GNL3L: variants seen among roughly 807,000 people sequenced by gnomAD.
GNL3L encodes G protein nucleolar 3 like.
Under a neutral mutation model 42.9 loss-of-function variants are expected in GNL3L, and 4 were observed. The ratio of observed to expected loss-of-function variants is 0.09; its 90% confidence interval spans 0.05 to 0.21. GNL3L has a LOEUF of 0.21. Among genes scored for constraint, GNL3L ranks in the 10% least tolerant of loss-of-function variants. The pLI, the probability that GNL3L is intolerant of heterozygous loss-of-function variation, is 1.00. For missense variants in GNL3L, 412 were observed against 481.7 expected (o/e 0.86, Z 1.36); for synonymous variants, 159 against 176.3 (o/e 0.90, Z 0.78).
chrX:54,544,848 T>A (rs1235272521), intron 8 of GNL3L, among the ~76,000 whole-genome samples: 1 of 111,522 alleles, frequency 9.0e-6, no homozygotes, highest in Non-Finnish European at 1.9e-5. Context: ...ATTTCTTTTT[T>A]TTCAGTTGTA....
At chrX:54,545,162 C>T (rs1012567087) in intron 8 of GNL3L, among the ~76,000 whole-genome samples, 2 of 110,941 alleles carry the variant, frequency 1.8e-5, no homozygotes, top group Non-Finnish European at 3.8e-5. Flanking sequence ...GTGATCCACC[C>T]GCCTTGGCCT....
At chrX:54,626,543 C>G in the GNL3L span, among the ~76,000 whole-genome samples, 1 of 111,729 alleles carries the variant, frequency 9.0e-6, no homozygotes, top group Admixed American at 9.5e-5. Flanking sequence ...GATAAATAAT[C>G]TGGAGTTGCT....
chrX:54,548,167 C>G (rs372055693), intron 8 of GNL3L, 62 bp from the exon 9 acceptor site: 1 of 1,014,528 alleles, frequency 9.9e-7, no homozygotes, highest in Non-Finnish European at 1.4e-6. Context: ...AGTTGGAAAT[C>G]TGGGCTCAGA....
downstream of GNL3L, among the ~76,000 whole-genome samples, chrX:54,625,283 T>G (rs1338787772): frequency 1.1e-5 from 1 of 89,081 alleles, no homozygotes; most frequent in Non-Finnish European, 2.0e-5. Flanking sequence ...GCTCTGGTTT[T>G]GTTTTGTTTT....
intron 16 of GNL3L, among the ~76,000 whole-genome samples, chrX:54,607,089 CTT>C (rs1569542632): frequency 2.7e-4 from 12 of 43,906 alleles, no homozygotes; most frequent in Middle Eastern, 0.018. Context: ...TTTCTTCTTT[CTT>C]TCTTTCTTTC....
chrX:54,601,983 C>G (rs1478793448), intron 16 of GNL3L, among the ~76,000 whole-genome samples: 1 of 111,662 alleles, frequency 9.0e-6, no homozygotes, highest in Non-Finnish European at 1.9e-5. Context: ...TCTATACATT[C>G]GGTCATTAAA....
chrX:54,554,241 G>A (rs1003066175), intron 13 of GNL3L, among the ~76,000 whole-genome samples: 1 of 111,219 alleles, frequency 9.0e-6, no homozygotes, highest in African/African-American at 3.3e-5. Flanking sequence ...CCCAGTGCCT[G>A]CCATTTACAG....
chrX:54,604,669 AAAAAC>A (rs951848290), intron 16 of GNL3L, among the ~76,000 whole-genome samples: 1 of 111,805 alleles, frequency 8.9e-6, no homozygotes, highest in Non-Finnish European at 1.9e-5. Context: ...AAAAACAAAC[AAAAAC>A]AAAACAAAAC....
At chrX:54,630,605 T>C in the GNL3L span, among the ~76,000 whole-genome samples, 1 of 110,154 alleles carries the variant, frequency 9.1e-6, no homozygotes, top group African/African-American at 3.3e-5. Flanking sequence ...TGTTCCACTG[T>C]AGTCTGAGAG....
the GNL3L span, among the ~76,000 whole-genome samples, chrX:54,634,940 C>T: frequency 8.4e-5 from 9 of 107,471 alleles, no homozygotes; most frequent in South Asian, 8.4e-4. Flanking sequence ...TACAGGTGCC[C>T]GCCACCATGC....
chrX:54,551,757 C>T lies in GNL3L; in HGVS notation c.1038+15C>T, dbSNP rs775942436. On this transcript the variant is annotated intron_variant, in intron 11 of 15. Coordinates refer to ENST00000360845, the MANE Select transcript of GNL3L (RefSeq NM_001184819.2). ...ACCTGGAGGAGGTCCGCAGCAGAGC[C>T]CTGGCTGATGCCCTGCCCTACTCTA... The T allele has an allele frequency of 1.1e-5, 13 of 1,209,273 alleles. No homozygotes were observed. In the Admixed American group the frequency reaches 2.8e-4, roughly 26 times the overall value.
intron 2 of GNL3L, among the ~76,000 whole-genome samples, chrX:54,536,117 G>A (rs1924415567): frequency 1.8e-5 from 2 of 110,353 alleles, no homozygotes; most frequent in Non-Finnish European, 3.8e-5. Context: ...TAGTAGAGAC[G>A]GGGTTTCACC....
At chrX:54,542,243 G>A (rs1289230445) in intron 5 of GNL3L, among the ~76,000 whole-genome samples, 1 of 46,972 alleles carries the variant, frequency 2.1e-5, no homozygotes, top group Admixed American at 2.9e-4. Context: ...CTATCCCTCC[G>A]CCCTCCCCCC....
downstream of GNL3L, among the ~76,000 whole-genome samples, chrX:54,568,841 C>T (rs1363052267): frequency 8.9e-6 from 1 of 112,374 alleles, no homozygotes; most frequent in African/African-American, 3.2e-5. Flanking sequence ...GCGTGAGCCA[C>T]GACGCCTGGC....
chrX:54,632,122 T>C, the GNL3L span, among the ~76,000 whole-genome samples: 2 of 111,984 alleles, frequency 1.8e-5, no homozygotes, highest in Middle Eastern at 4.2e-3. Context: ...GCTTGTAGGG[T>C]TTCTGCTGAA....
intron 9 of GNL3L, among the ~76,000 whole-genome samples, chrX:54,548,866 G>A (rs1924848161): frequency 9.0e-6 from 1 of 111,442 alleles, no homozygotes; most frequent in South Asian, 3.8e-4. Context: ...GAGAGAGCTA[G>A]ACACTGAGAA....
At chrX:54,532,882 C>T (rs1202625976) in intron 2 of GNL3L, among the ~76,000 whole-genome samples, 1 of 111,649 alleles carries the variant, frequency 9.0e-6, no homozygotes, top group Non-Finnish European at 1.9e-5. Flanking sequence ...TGGTCTCGAA[C>T]TCCTGACCGC....
At chrX:54,626,175 C>T (rs1401881372), downstream of GNL3L, among the ~76,000 whole-genome samples, 1 of 111,077 alleles carries the variant, frequency 9.0e-6, no homozygotes, top group Non-Finnish European at 1.9e-5. Context: ...CCAAACCCTC[C>T]CCAGTCTCCC....
At chrX:54,598,565 A>G (rs1474317228) in intron 16 of GNL3L, among the ~76,000 whole-genome samples, 2 of 112,204 alleles carry the variant, frequency 1.8e-5, no homozygotes, top group African/African-American at 6.5e-5. Context: ...TATGATACAG[A>G]TATTGGAATT....
Sources: allele counts gnomAD v4.1 joint callset (sites outside exome capture counted in the v4.1 genomes callset), GRCh38; gene constraint gnomAD v4.1.1; transcripts MANE v1.5; gene names NCBI Gene and HGNC (gene_info 2026-07-23, HGNC 2026-07-21).